Variants in GRIN2A observed in about 807,000 individuals in gnomAD.
GRIN2A encodes the protein glutamate ionotropic receptor NMDA type subunit 2A.
GRIN2A carries 22 observed loss-of-function variants against 113.4 expected under a neutral mutation model. The ratio of observed to expected loss-of-function variants is 0.19; its 90% CI spans 0.14 to 0.28. GRIN2A has a LOEUF of 0.28. GRIN2A is among the 10% of genes least tolerant of loss of function. The pLI is 1.00. For synonymous variants in GRIN2A, 827 were observed against 738.4 expected (o/e 1.12, Z -1.94); for missense variants, 1,502 against 1,887.0 (o/e 0.80, Z 3.78).
chr16:10,006,765 T>C (rs980306186), intron 2 of GRIN2A, among the ~76,000 whole-genome samples: 1 of 152,198 alleles, frequency 6.6e-6, no homozygotes, highest in African/African-American at 2.4e-5. Context: ...ACCCTCCCTA[T>C]TTCCCAGCAC....
At chr16:10,011,178 T>C (rs548445145) in intron 2 of GRIN2A, among the ~76,000 whole-genome samples, 54 of 152,354 alleles carry the variant, frequency 3.5e-4, no homozygotes, top group African/African-American at 1.3e-3. Flanking sequence ...ATTTTGAAGA[T>C]GGCTCTTATC....
intron 4 of GRIN2A, among the ~76,000 whole-genome samples, chr16:9,879,094 A>T (rs2043427457): frequency 6.6e-6 from 1 of 152,190 alleles, no homozygotes; most frequent in South Asian, 2.1e-4. Context: ...TGATGCACAG[A>T]TGATAATTTT....
intron 2 of GRIN2A, among the ~76,000 whole-genome samples, chr16:10,126,995 A>C (rs2048953214): frequency 6.6e-6 from 1 of 152,184 alleles, no homozygotes; most frequent in African/African-American, 2.4e-5. Context: ...TAAGCCAGTG[A>C]AAGCCAATGC....
Position 9,758,211 on chromosome 16 carries a change from G to A in GRIN2A, c.*4938C>T. 4.5e-6 allele frequency: 1 copy of A among 221,206 alleles called. No individual in the cohort carries two copies. Among genetic ancestry groups the A allele is most frequent in the East Asian group, 6.5e-5 (1 of 15,380 alleles). The allele number at this position is 221,206 out of a possible 1,614,324, so 13.7% of individuals were successfully genotyped here. Reference sequence around the variant, plus strand: ...CTAATACTATACTGAAAGTACTGCTGGGCACAGAAAGAGTGCAGGTGAGGA... The same window carrying A: ...CTAATACTATACTGAAAGTACTGCTAGGCACAGAAAGAGTGCAGGTGAGGA... On this transcript the variant is annotated 3_prime_UTR_variant, in exon 13 of 13. Coordinates refer to ENST00000330684, the MANE Select transcript of GRIN2A (RefSeq NM_001134407.3).
chr16:10,147,200 T>C (rs999227400), intron 2 of GRIN2A, among the ~76,000 whole-genome samples: 16 of 152,032 alleles, frequency 1.1e-4, no homozygotes, highest in Non-Finnish European at 1.9e-4. Flanking sequence ...TCCCACACTC[T>C]AGGAGCTTAA....
chr16:10,137,351 T>C (rs562569766), intron 2 of GRIN2A, among the ~76,000 whole-genome samples: 1 of 152,328 alleles, frequency 6.6e-6, no homozygotes, highest in South Asian at 2.1e-4. Flanking sequence ...AAAGCAGGCC[T>C]GACTCTAAAG....
chr16:10,069,724 C>T, intron 2 of GRIN2A, among the ~76,000 whole-genome samples: 1 of 152,238 alleles, frequency 6.6e-6, no homozygotes, highest in East Asian at 1.9e-4. Flanking sequence ...ATATGCCCAG[C>T]CCAGGCTGGG....
At chr16:10,036,736 G>T (rs996159646) in intron 2 of GRIN2A, among the ~76,000 whole-genome samples, 1 of 151,688 alleles carries the variant, frequency 6.6e-6, no homozygotes, top group Non-Finnish European at 1.5e-5. Context: ...GTGAGCCACC[G>T]TGCCTGGCCA....
chr16:10,025,772 C>A (rs898174322), intron 2 of GRIN2A, among the ~76,000 whole-genome samples: 5 of 152,144 alleles, frequency 3.3e-5, no homozygotes, highest in African/African-American at 1.2e-4. Flanking sequence ...CTGGCAGAGA[C>A]AGGCAGGCTA....
At chr16:9,836,509 C>T (rs2042585502) in intron 7 of GRIN2A, among the ~76,000 whole-genome samples, 1 of 152,202 alleles carries the variant, frequency 6.6e-6, no homozygotes, top group South Asian at 2.1e-4. Flanking sequence ...ATCCTTGTCA[C>T]TAACACGCTA....
At chr16:9,772,297 C>G (rs1901320336) in intron 11 of GRIN2A, among the ~76,000 whole-genome samples, 1 of 152,238 alleles carries the variant, frequency 6.6e-6, no homozygotes, top group South Asian at 2.1e-4. Flanking sequence ...GCTGCTTCCT[C>G]TTCTCACAAA....
intron 2 of GRIN2A, chr16:9,970,886 A>C (rs2045656915): frequency 6.1e-6 from 1 of 164,890 alleles, no homozygotes; most frequent in African/African-American, 2.4e-5. Context: ...GTAAATGTTA[A>C]AGTATTACAG....
chr16:10,144,090 G>C (rs1186078484), intron 2 of GRIN2A, among the ~76,000 whole-genome samples: 1 of 152,104 alleles, frequency 6.6e-6, no homozygotes, highest in Non-Finnish European at 1.5e-5. Flanking sequence ...AATTCTTTGG[G>C]ATATGTACCC....
chr16:9,985,331 T>C (rs527345795), intron 2 of GRIN2A, among the ~76,000 whole-genome samples: 2 of 152,278 alleles, frequency 1.3e-5, no homozygotes, highest in African/African-American at 4.8e-5. Context: ...CCTTTATCAT[T>C]AGGAAGTGAT....
intron 2 of GRIN2A, among the ~76,000 whole-genome samples, chr16:9,948,950 A>G (rs1203688309): frequency 1.3e-5 from 2 of 152,134 alleles, no homozygotes; most frequent in Admixed American, 6.5e-5. Context: ...TCATCTATAA[A>G]ATGGACCTGG....
At chr16:10,046,806 C>A (rs569507178) in intron 2 of GRIN2A, among the ~76,000 whole-genome samples, 1 of 152,266 alleles carries the variant, frequency 6.6e-6, no homozygotes, top group Non-Finnish European at 1.5e-5. Flanking sequence ...CATTTTCAGT[C>A]CCTACCACCC....
At chr16:10,069,028 G>A (rs1013204336) in intron 2 of GRIN2A, among the ~76,000 whole-genome samples, 1 of 152,136 alleles carries the variant, frequency 6.6e-6, no homozygotes, top group Non-Finnish European at 1.5e-5. Flanking sequence ...GGTGGGTAAG[G>A]ACCCCGCAGT....
chr16:9,836,544 T>G (rs1567334473), intron 7 of GRIN2A, among the ~76,000 whole-genome samples: 1 of 152,216 alleles, frequency 6.6e-6, no homozygotes, highest in Non-Finnish European at 1.5e-5. Flanking sequence ...TGGAAACTGA[T>G]GAAGCAACTG....
chr16:9,966,312 CTA>C (rs1010709186), intron 2 of GRIN2A, among the ~76,000 whole-genome samples: 17 of 152,252 alleles, frequency 1.1e-4, no homozygotes, highest in African/African-American at 4.1e-4. Flanking sequence ...TTTTTCCACT[CTA>C]TGTGTCCATG....
Sources: allele counts gnomAD v4.1 joint callset (sites outside exome capture counted in the v4.1 genomes callset), GRCh38; gene constraint gnomAD v4.1.1; transcripts MANE v1.5; gene names NCBI Gene and HGNC (gene_info 2026-07-23, HGNC 2026-07-21).